AZU1: variants seen among roughly 807,000 people sequenced by gnomAD.
The protein encoded by AZU1 is azurocidin 1.
AZU1 carries 21 observed loss-of-function variants against 17.8 expected under a neutral mutation model. That is an observed-to-expected ratio of 1.18 (90% confidence interval 0.84 to 1.70). The LOEUF (loss-of-function observed/expected upper bound fraction) is 1.70. AZU1 is among the 40% of genes most tolerant of loss of function. AZU1 has a pLI of 0.00. For missense variants in AZU1, 379 were observed against 362.9 expected, an observed-to-expected ratio of 1.04 and a Z score of -0.36; for synonymous variants, 178 against 155.2, an observed-to-expected ratio of 1.15 and a Z score of -1.09.
chr19:831,064 G>A (rs2035282756), intron 4 of AZU1, 123 bp downstream of exon 4: 2 of 816,642 alleles, frequency 2.4e-6, no homozygotes, highest in Non-Finnish European at 3.8e-6. Context: ...CATTTTCACG[G>A]TAGGAGAAAC....
At chr19:831,070 G>C in intron 4 of AZU1, 129 bp downstream of exon 4, 1 of 739,030 alleles carries the variant, frequency 1.4e-6, no homozygotes, top group Non-Finnish European at 2.2e-6. Context: ...CACGGTAGGA[G>C]AAACAGTATC....
chr19:829,496 C>T (rs1304162572), intron 2 of AZU1, 66 bp from the exon 3 acceptor site: 130 of 1,556,092 alleles, frequency 8.4e-5, no homozygotes, highest in Non-Finnish European at 1.1e-4. Context: ...ATTTGCAAGC[C>T]GGCTTGCTCT....
At chr19:829,792 A>G (rs1212393877) in intron 3 of AZU1, 86 bp downstream of exon 3, 1 of 1,501,976 alleles carries the variant, frequency 6.7e-7, no homozygotes, top group Middle Eastern at 1.8e-4. Flanking sequence ...GTCTCTACAA[A>G]AAAATACAAA....
chr19:831,721 CG>C lies in AZU1; in HGVS notation c.605del (p.Gly202AlafsTer?). On this transcript the variant is annotated frameshift_variant, in exon 5 of 5. Transcript: ENST00000233997. LOFTEE classifies it low-confidence loss of function (END_TRUNC). ...CACAGCTGCTGCCTGCCCAGGGGGACGGGGGCACCCCCCTCGTCTGCGAGGG... is the reference window on the plus strand; with the variant it reads ...CACAGCTGCTGCCTGCCCAGGGGGACGGGGCACCCCCCTCGTCTGCGAGGG... ...TRRGGICNGDGGTPLVCEGLA... is the reference protein window; with the variant it reads ...TRRGGICNGDXGTPLVCEGLA... 6.2e-7 allele frequency: 1 copy of C among 1,603,354 alleles called. No homozygotes were observed. Among genetic ancestry groups the C allele is most frequent in the Non-Finnish European group, 8.5e-7 (1 of 1,175,590 alleles).
At chr19:828,458 C>T (rs2035242733) in intron 2 of AZU1, 72 bp downstream of exon 2, 1 of 1,280,356 alleles carries the variant, frequency 7.8e-7, no homozygotes, top group Non-Finnish European at 1.0e-6. Context: ...CTTAGGCATT[C>T]AGTGGGGGTG....
intron 4 of AZU1, chr19:831,429 T>C (rs990233627): frequency 1.4e-5 from 6 of 436,826 alleles, no homozygotes; most frequent in Non-Finnish European, 2.0e-5. Context: ...GTGCTGGGGG[T>C]TGGGGACCCA....
Position 831,966 on chromosome 19 carries a change from C to T in AZU1, c.*89C>T, listed in dbSNP as rs951634277. On this transcript the variant is annotated 3_prime_UTR_variant, in exon 5 of 5. Transcript: ENST00000233997. ...CCTCCCACGGCCCCGCCCCTGCCCC[C>T]GCTCCGGCCAGAGGGGCCCTGGCTG... is the stretch of plus-strand genomic sequence containing the variant. 47 of 1,442,304 alleles carry T rather than the reference C, an allele frequency of 3.3e-5. No individual in the cohort carries two copies. In the African/African-American group the frequency reaches 4.3e-4, roughly 13 times the overall value. 89.3% of individuals were successfully genotyped at this position (1,442,304 alleles called of 1,614,324 possible). A position where few individuals can be genotyped will look rare whatever the true frequency, so the allele number is the denominator to read the frequency against.
At chr19:829,421 C>A in intron 2 of AZU1, 141 bp from the exon 3 acceptor site, 2 of 1,213,064 alleles carry the variant, frequency 1.6e-6, no homozygotes, top group Non-Finnish European at 2.3e-6. Context: ...CTCGGCTCTG[C>A]TTCTGTAAAA....
chr19:829,688 C>T lies in AZU1; in HGVS notation c.342C>T (p.Asn114=), dbSNP rs749526642. The change falls in exon 3 of 5, where the codon AAC becomes AAT. Residue 114 remains asparagine, a synonymous_variant. Coordinates refer to ENST00000233997, the MANE Select transcript of AZU1 (RefSeq NM_001700.5). ...GCTACGACCCCCAGCAGAACCTGAA[C>T]GACCTGATGCTGCTTCAGGTGAGAG... ...ENGYDPQQNL[N]DLMLLQLDRE... 21 of 1,613,170 alleles carry T rather than the reference C, an allele frequency of 1.3e-5. No homozygotes were observed. Among genetic ancestry groups the T allele is most frequent in the African/African-American group, 2.7e-5 (2 of 74,890 alleles).
chr19:831,048 A>T (rs2035282583), intron 4 of AZU1, 107 bp downstream of exon 4: 5 of 991,268 alleles, frequency 5.0e-6, no homozygotes, highest in South Asian at 1.5e-5. Context: ...GGGCCCCAGG[A>T]TTGAGCATTT....
intron 4 of AZU1, 122 bp downstream of exon 4, chr19:831,063 G>T: frequency 1.2e-6 from 1 of 832,388 alleles, no homozygotes; most frequent in Non-Finnish European, 1.8e-6. Context: ...GCATTTTCAC[G>T]GTAGGAGAAA....
chr19:831,666 G>C, intron 4 of AZU1, 50 bp from the exon 5 acceptor site: 1 of 1,519,630 alleles, frequency 6.6e-7, no homozygotes, highest in Non-Finnish European at 8.8e-7. Context: ...TTCTGGGGTG[G>C]CGTGGGAGCC....
chr19:829,594 C>A lies in AZU1; in HGVS notation c.248C>A (p.Ala83Asp). Residue 83 changes from alanine (A) to aspartate (D), a missense_variant, in exon 3 of 5, where the codon GCC becomes GAC. Ala to Asp is a moderately radical substitution (Grantham distance 126). Coordinates refer to ENST00000233997, the MANE Select transcript of AZU1 (RefSeq NM_001700.5). Reference sequence around the variant, plus strand: ...GGGGTTAGCACCGTGGTGCTGGGTGCCTATGACCTGAGGCGGCGGGAGAGG... The same window carrying A: ...GGGGTTAGCACCGTGGTGCTGGGTGACTATGACCTGAGGCGGCGGGAGAGG... ...NPGVSTVVLG[A>D]YDLRRRERQS... The A allele has an allele frequency of 6.2e-7, 1 of 1,613,298 alleles. No homozygotes were observed. The highest frequency in any genetic ancestry group is 8.5e-7 in the Non-Finnish European group (1 of 1,179,958).
chr19:828,449 T>A, intron 2 of AZU1, 63 bp downstream of exon 2: 2 of 1,426,422 alleles, frequency 1.4e-6, no homozygotes, highest in Non-Finnish European at 1.8e-6. Flanking sequence ...CTTGGGGGGC[T>A]TAGGCATTCA....
rs2035236940 is a variant in AZU1, at chr19:828,107, T to C, written c.59-123T>C. On this transcript the variant is annotated intron_variant, in intron 1 of 4. Transcript: ENST00000233997. ...CCTGTCCTCTTAGGGAGTGGGACGA[T>C]GGGGGAGGGTGGGTCCCCCCGCAGC... The C allele has an allele frequency of 3.8e-6, 5 of 1,324,368 alleles. No homozygotes were observed. The Admixed American group carries it at 8.3e-5, about 22-fold the overall frequency. 82.0% of individuals were successfully genotyped at this position (1,324,368 alleles called of 1,614,324 possible). A position where few individuals can be genotyped will look rare whatever the true frequency, so the allele number is the denominator to read the frequency against.
At chr19:829,944 G>A (rs2035267242) in intron 3 of AZU1, among the ~76,000 whole-genome samples, 1 of 149,334 alleles carries the variant, frequency 6.7e-6, no homozygotes, top group Admixed American at 6.7e-5. Flanking sequence ...ATATGTGTGT[G>A]TGTGTGTGTG....
Position 827,884 on chromosome 19 carries a change from T to A in AZU1, c.38T>A (p.Leu13Gln). The change falls in exon 1 of 5, where the codon CTG (leucine) becomes CAG (glutamine). Residue 13 changes from leucine (L) to glutamine (Q), a missense_variant. Transcript: ENST00000233997. The stretch of plus-strand genomic sequence containing the variant: ...ACAGTCCTGGCCCTGCTGGCTGGTC[T>A]GCTGGCGTCCTCGAGGGCCGGTGAG... ...RLTVLALLAGLLASSRAGSSP... is the reference protein window; with the variant it reads ...RLTVLALLAGQLASSRAGSSP... The A allele has an allele frequency of 1.3e-6, 2 of 1,537,320 alleles. No individual in the cohort carries two copies. Among genetic ancestry groups the A allele is most frequent in the East Asian group, 4.9e-5 (2 of 41,010 alleles).
intron 3 of AZU1, 127 bp downstream of exon 3, chr19:829,833 G>A: frequency 7.5e-7 from 1 of 1,331,352 alleles, no homozygotes; most frequent in Non-Finnish European, 1.0e-6. Context: ...GCGCACCTGT[G>A]GCCCCTGTGC....
At position 828,356 on chromosome 19, in the gene AZU1, T is replaced by G; in HGVS notation, c.185T>G (p.Val62Gly). The change falls in exon 2 of 5, where the codon GTG becomes GGG. Residue 62 changes from valine (V) to glycine (G), a missense_variant. Physicochemically the swap from Val to Gly is moderately radical, Grantham distance 109. Transcript: ENST00000233997. ...GGTGCCCTGATCCATGCCCGCTTCG[T>G]GATGACCGCGGCCAGCTGCTTCCAA... is the stretch of plus-strand genomic sequence containing the variant. ...CGGALIHARF[V>G]MTAASCFQSQ... 1.3e-6 allele frequency: 2 copies of G among 1,594,486 alleles called. No individual in the cohort carries two copies. Among genetic ancestry groups the G allele is most frequent in the South Asian group, 2.2e-5 (2 of 89,682 alleles).
Sources: gnomAD v4.1 joint callset for allele counts (sites outside exome capture counted in the v4.1 genomes callset) on GRCh38, gnomAD v4.1.1 for gene constraint, MANE v1.5 for transcripts, NCBI Gene and HGNC (gene_info 2026-07-23, HGNC 2026-07-21) for gene names.